KIN: variants seen among roughly 807,000 people sequenced by gnomAD.
KIN encodes Kin17 DNA and RNA binding protein, also known as DNA/RNA-binding protein KIN17.
Under a neutral mutation model 63.0 loss-of-function variants are expected in KIN, and 47 were observed. The observed-to-expected ratio is 0.75, with a 90% CI of 0.59 to 0.95. The LOEUF (loss-of-function observed/expected upper bound fraction) is 0.95, where lower values mean the gene tolerates loss of function less well. Among genes scored for constraint, KIN ranks in the 40% least tolerant of loss-of-function variants. KIN has a pLI of 0.00. For synonymous variants in KIN, 160 were observed against 157.7 expected (o/e 1.01, Z -0.11); for missense variants, 408 against 460.9 (o/e 0.89, Z 1.05).
intron 5 of KIN, among the ~76,000 whole-genome samples, chr10:7,777,323 ATGT>A (rs1266955950): frequency 1.3e-5 from 2 of 151,658 alleles, no homozygotes; most frequent in Non-Finnish European, 2.9e-5. Flanking sequence ...AACAATGGTT[ATGT>A]CTGGGAGATG....
Position 7,776,603 on chromosome 10 carries a change from C to T in KIN, c.559-804G>A, listed in dbSNP as rs561600365. ...AAAATTAGCCCGGCATGGTGGCGGG[C>T]GCCTGTAATCCCAGCTACTTGGGAG... On this transcript the variant is annotated intron_variant, in intron 5 of 12. Transcript: ENST00000379562. 1.7e-3 allele frequency among the ~76,000 whole-genome samples: 254 copies of T among 151,472 alleles called. 1 individual carries two copies. The highest frequency in any genetic ancestry group is 5.8e-3 in the African/African-American group (241 of 41,232).
Position 7,754,648 on chromosome 10 carries a change from A to G in KIN, c.*1432T>C, listed in dbSNP as rs78734764. Reference sequence around the variant, plus strand: ...CTCTGTGTCAGAAAAAAAAAAAAAAAGAAAAAGAAAAGATAGATCATCTCT... The same window carrying G: ...CTCTGTGTCAGAAAAAAAAAAAAAAGGAAAAAGAAAAGATAGATCATCTCT... On this transcript the variant is annotated 3_prime_UTR_variant, in exon 13 of 13. Coordinates refer to ENST00000379562, the MANE Select transcript of KIN (RefSeq NM_012311.4). 1 of 150,150 alleles carries G rather than the reference A, an allele frequency of 6.7e-6. No individual in the cohort carries two copies. Among genetic ancestry groups the G allele is most frequent in the South Asian group, 2.1e-4 (1 of 4,734 alleles). 9.3% of individuals were successfully genotyped at this position (150,150 alleles called of 1,614,324 possible). A position where few individuals can be genotyped will look rare whatever the true frequency, so the allele number is the denominator to read the frequency against.
chr10:7,762,458 T>C lies in KIN; in HGVS notation c.1017A>G (p.Pro339=). ...QTHLETVIPA[P]GKRILVLNGG... is the part of the protein sequence containing the mutation. ...TAAATGGTCTGCAAACAGATTTACC[T>C]GGTGCTGGAATTACTGTCTCTAAAT... Residue 339 remains proline (P), a splice_region_variant and synonymous_variant, in exon 11 of 13, where the codon CCA becomes CCG. Transcript: ENST00000379562. 6.3e-7 allele frequency: 1 copy of C among 1,587,922 alleles called. No homozygotes were observed. Among genetic ancestry groups the C allele is most frequent in the South Asian group, 1.1e-5 (1 of 88,730 alleles).
intron 7 of KIN, among the ~76,000 whole-genome samples, chr10:7,772,138 G>A (rs80349007): frequency 0.013 from 1,974 of 152,100 alleles, 47 homozygotes; most frequent in African/African-American, 0.045. Flanking sequence ...GAGACATACA[G>A]GATCACAAAA....
In KIN at chr10:7,751,557, A is replaced by G. The variant is rs1305521898; in HGVS notation, c.*4523T>C. 6.6e-6 allele frequency: 1 copy of G among 152,192 alleles called. No homozygotes were observed. Among genetic ancestry groups the G allele is most frequent in the Non-Finnish European group, 1.5e-5 (1 of 68,036 alleles). 9.4% of individuals were successfully genotyped at this position (152,192 alleles called of 1,614,324 possible). On this transcript the variant is annotated 3_prime_UTR_variant, in exon 13 of 13. Coordinates refer to ENST00000379562, the MANE Select transcript of KIN (RefSeq NM_012311.4). ...GTGAGACTCCCATCTCTTTATAGAA[A>G]TAAATAAAAATAAAGATAAACTTAG...
At chr10:7,776,411 G>A (rs1405332131) in intron 5 of KIN, among the ~76,000 whole-genome samples, 3 of 145,844 alleles carry the variant, frequency 2.1e-5, no homozygotes, top group African/African-American at 5.1e-5. Context: ...GTGTGATGGC[G>A]GGCGCCTGTA....
chr10:7,762,719 G>A (rs1835460954), intron 10 of KIN, among the ~76,000 whole-genome samples, 163 bp from the exon 11 acceptor site: 1 of 152,144 alleles, frequency 6.6e-6, no homozygotes, highest in African/African-American at 2.4e-5. Flanking sequence ...TGATTTCCCA[G>A]TCTATGGTTC....
In KIN at chr10:7,783,165, T is replaced by C. The variant is rs757408871; in HGVS notation, c.125A>G (p.Lys42Arg). The change falls in exon 2 of 13, where the codon AAG becomes AGG. Residue 42 changes from lysine to arginine, a missense_variant. Lys to Arg is a conservative substitution (Grantham distance 26, BLOSUM62 2). This residue lies in a region of KIN where 110 missense variants were observed against 164.9 expected (regional missense o/e 0.67). Coordinates refer to ENST00000379562, the MANE Select transcript of KIN (RefSeq NM_012311.4). ...QKQCRDENGFKCHCMSESHQR... is the reference protein window; with the variant it reads ...QKQCRDENGFRCHCMSESHQR... ...ATGAGATTCGGACATACAATGACAC[T>C]TAAAGCCATTCTACAAAAAATGTAA... 2.5e-6 allele frequency: 4 copies of C among 1,578,570 alleles called. No individual in the cohort carries two copies. Among genetic ancestry groups the C allele is most frequent in the Non-Finnish European group, 1.7e-6 (2 of 1,160,798 alleles).
intron 7 of KIN, among the ~76,000 whole-genome samples, chr10:7,774,279 G>A (rs1835724026): frequency 6.6e-6 from 1 of 152,224 alleles, no homozygotes; most frequent in Non-Finnish European, 1.5e-5. Context: ...ACGAAGGAGA[G>A]AGGTTGATAA....
intron 2 of KIN, among the ~76,000 whole-genome samples, chr10:7,781,587 T>TACACACACACACAC (rs3036327): frequency 0.014 from 1,937 of 140,680 alleles, 28 homozygotes; most frequent in Middle Eastern, 0.028. Flanking sequence ...ACCCTGTCTC[T>TACACACACACACAC]ACACACACAC....
chr10:7,787,815 C>T lies in KIN; in HGVS notation c.114+5G>A. 3.1e-6 allele frequency: 5 copies of T among 1,607,438 alleles called. No homozygotes were observed. The highest frequency in any genetic ancestry group is 3.4e-6 in the Non-Finnish European group (4 of 1,174,010). Reference sequence around the variant, plus strand: ...GGAAGACGGGGCCACTCCGGGCCCACTCACCTCGTCCCGGCACTGCTTCTG... The same window carrying T: ...GGAAGACGGGGCCACTCCGGGCCCATTCACCTCGTCCCGGCACTGCTTCTG... On this transcript the variant is annotated splice_donor_5th_base_variant and intron_variant, in intron 1 of 12. Transcript: ENST00000379562.
chr10:7,759,834 C>A, intron 12 of KIN, 56 bp downstream of exon 12: 1 of 880,964 alleles, frequency 1.1e-6, no homozygotes, highest in South Asian at 1.5e-5. Context: ...TTAAAAAAAA[C>A]TATGGCACAT....
chr10:7,752,528 G>C lies in KIN; in HGVS notation c.*3552C>G, dbSNP rs1835259289. 1 of 152,226 alleles carries C rather than the reference G, an allele frequency of 6.6e-6. No homozygotes were observed. Among genetic ancestry groups the C allele is most frequent in the Admixed American group, 6.5e-5 (1 of 15,284 alleles). The allele number at this position is 152,226 out of a possible 1,614,324, so 9.4% of individuals were successfully genotyped here. A position where few individuals can be genotyped will look rare whatever the true frequency, so the allele number is the denominator to read the frequency against. On this transcript the variant is annotated 3_prime_UTR_variant, in exon 13 of 13. Transcript: ENST00000379562. ...AAGACAGGTTGGTAGTTTCTCAGAA[G>C]ACTCCTGGCATATGATCCAGCAATT...
chr10:7,784,929 T>C (rs1835968260), intron 1 of KIN, among the ~76,000 whole-genome samples: 1 of 152,216 alleles, frequency 6.6e-6, no homozygotes, highest in Admixed American at 6.5e-5. Context: ...TATATGATGC[T>C]ATATGAGATA....
At position 7,759,912 on chromosome 10, in the gene KIN, G is replaced by GA; in HGVS notation, c.1096dup (p.Ser366PhefsTer7). ...TACAGTTTCAATGACGATAGTAGCTGAAAAAGTCTTCTCATTGATGGATTC... is the reference window on the plus strand; with the variant it reads ...TACAGTTTCAATGACGATAGTAGCTGAAAAAAGTCTTCTCATTGATGGATTC... On this transcript the variant is annotated frameshift_variant, in exon 12 of 13. Coordinates refer to ENST00000379562, the MANE Select transcript of KIN (RefSeq NM_012311.4). LOFTEE classifies it high-confidence loss of function. 2 of 1,555,982 alleles carry GA rather than the reference G, an allele frequency of 1.3e-6. No individual in the cohort carries two copies. The highest frequency in any genetic ancestry group is 1.8e-6 in the Non-Finnish European group (2 of 1,140,186).
chr10:7,778,323 T>C (rs1835821679), intron 5 of KIN, among the ~76,000 whole-genome samples: 1 of 152,200 alleles, frequency 6.6e-6, no homozygotes, highest in Admixed American at 6.5e-5. Flanking sequence ...TTATACAAGA[T>C]TATGAAGTTA....
At chr10:7,759,080 C>T (rs1205245827) in intron 12 of KIN, among the ~76,000 whole-genome samples, 1 of 152,082 alleles carries the variant, frequency 6.6e-6, no homozygotes, top group African/African-American at 2.4e-5. Flanking sequence ...CCCAAGAGAA[C>T]AAATAAAATT....
chr10:7,769,014 C>A (rs965173575), intron 8 of KIN, among the ~76,000 whole-genome samples: 1 of 152,054 alleles, frequency 6.6e-6, no homozygotes, highest in Non-Finnish European at 1.5e-5. Context: ...GAGACTCCAT[C>A]TCAAAAAAAT....
chr10:7,767,188 G>A (rs185625703), intron 8 of KIN, among the ~76,000 whole-genome samples: 7 of 152,172 alleles, frequency 4.6e-5, no homozygotes, highest in Non-Finnish European at 8.8e-5. Flanking sequence ...CCTCTATGGT[G>A]TTGGCCCTCC....
Sources: allele counts gnomAD v4.1 joint callset (sites outside exome capture counted in the v4.1 genomes callset), GRCh38; gene constraint gnomAD v4.1.1; regional missense constraint gnomAD v4.1.1; transcripts MANE v1.5; gene names NCBI Gene and HGNC (gene_info 2026-07-23, HGNC 2026-07-21).